The following ZNRF1 variants were observed in gnomAD, a reference collection of about 807,000 sequenced individuals.
ZNRF1 encodes zinc and ring finger 1.
Under a neutral mutation model 18.4 loss-of-function variants are expected in ZNRF1, and 3 were observed. The ratio of observed to expected loss-of-function variants is 0.16; its 90% confidence interval spans 0.07 to 0.42. ZNRF1 has a LOEUF of 0.42. ZNRF1 is among the 10% of genes least tolerant of loss of function. ZNRF1 has a pLI of 0.99. For missense variants in ZNRF1, 310 were observed against 329.8 expected (o/e 0.94, Z 0.47); for synonymous variants, 157 against 144.2 (o/e 1.09, Z -0.64).
At position 75,102,891 on chromosome 16, in the gene ZNRF1, C is replaced by T. The variant is rs532076061; in HGVS notation, c.521-1893C>T. Among the ~76,000 whole-genome samples, 18 of 152,302 alleles carry T rather than the reference C, an allele frequency of 1.2e-4. No homozygotes were observed. The South Asian group carries it at 3.3e-3, about 28-fold the overall frequency. ...CTCATCCGCACACGCAGGGCTGCTG[C>T]GCACTCCTTGTTGTCGGCCCCAGAC... On this transcript the variant is annotated intron_variant, in intron 2 of 4. Coordinates refer to ENST00000335325, the MANE Select transcript of ZNRF1 (RefSeq NM_032268.5).
At chr16:75,026,751 C>A (rs1034775572) in intron 1 of ZNRF1, among the ~76,000 whole-genome samples, 1 of 151,634 alleles carries the variant, frequency 6.6e-6, no homozygotes, top group Admixed American at 6.6e-5. Flanking sequence ...GCCTGGCCAA[C>A]GTGGTGAAAC....
chr16:75,094,922 C>A (rs1050567708), intron 2 of ZNRF1, among the ~76,000 whole-genome samples: 5 of 152,172 alleles, frequency 3.3e-5, no homozygotes, highest in Non-Finnish European at 7.3e-5. Flanking sequence ...TCTGGGATTT[C>A]TGAGAGCATC....
intron 1 of ZNRF1, among the ~76,000 whole-genome samples, chr16:75,076,989 T>C (rs1247694643): frequency 6.6e-6 from 1 of 152,102 alleles, no homozygotes; most frequent in African/African-American, 2.4e-5. Context: ...TAAATGTTTA[T>C]TGTTTAAGCC....
At chr16:75,034,888 G>T (rs2035356882) in intron 1 of ZNRF1, among the ~76,000 whole-genome samples, 1 of 151,074 alleles carries the variant, frequency 6.6e-6, no homozygotes, top group South Asian at 2.1e-4. Context: ...CAGCCTCCCA[G>T]AGTGCTTGGA....
chr16:75,029,683 C>G (rs935524706), intron 1 of ZNRF1, among the ~76,000 whole-genome samples: 1 of 151,746 alleles, frequency 6.6e-6, no homozygotes, highest in Non-Finnish European at 1.5e-5. Flanking sequence ...CTTGGAGAAT[C>G]GCTTGAACCT....
In ZNRF1 at chr16:75,033,141, A is replaced by G. The variant is rs374751754; in HGVS notation, c.424+33046A>G. ...TTCCTTTGATTACTGTGGTGTTATA[A>G]TAAGTCTTGAAATCAAATATTATTA... On this transcript the variant is annotated intron_variant, in intron 1 of 4. Transcript: ENST00000335325. Among the ~76,000 whole-genome samples the G allele has an allele frequency of 1.3e-4, 20 of 152,172 alleles. 2 individuals carry two copies. The highest frequency in any genetic ancestry group is 1.0e-3 in the South Asian group (5 of 4,816).
At chr16:75,105,130 G>C (rs1354815866) in intron 3 of ZNRF1, 1 of 443,622 alleles carries the variant, frequency 2.3e-6, no homozygotes, top group East Asian at 4.4e-5. Context: ...GGCTCAGGTG[G>C]TGGGAGCTGA....
chr16:75,002,000 A>G lies in ZNRF1; in HGVS notation c.424+1905A>G, dbSNP rs77642817. ...AAAGTGTGTATGGGAGGCTGCTATT[A>G]ATATTGTAGGTAATCCATTCCTTAC... is the stretch of plus-strand genomic sequence containing the variant. On this transcript the variant is annotated intron_variant, in intron 1 of 4. Coordinates refer to ENST00000335325, the MANE Select transcript of ZNRF1 (RefSeq NM_032268.5). Among the ~76,000 whole-genome samples, 47 of 152,250 alleles carry G rather than the reference A, an allele frequency of 3.1e-4. No homozygotes were observed. The East Asian group carries it at 9.1e-3, about 29-fold the overall frequency.
rs757652564 is a variant in ZNRF1, at chr16:75,010,711, GTTTTTTTGTT to G, written c.424+10624_424+10633del. Among the ~76,000 whole-genome samples the G allele has an allele frequency of 5.4e-4, 40 of 74,350 alleles. 2 individuals are homozygous for G. The East Asian group carries it at 7.1e-3, about 13-fold the overall frequency. The allele number at this position is 74,350 out of a possible 152,430, so 48.8% of individuals were successfully genotyped here. On this transcript the variant is annotated intron_variant, in intron 1 of 4. Transcript: ENST00000335325. ...CCTCTGTACTGTACTGTTTTTTTTTGTTTTTTTGTTTTTTTTTTTTTGAGGAGTCTCGCTC... is the reference window on the plus strand; with the variant it reads ...CCTCTGTACTGTACTGTTTTTTTTTGTTTTTTTTTTTGAGGAGTCTCGCTC...
At chr16:75,093,883 G>C (rs973477737) in intron 2 of ZNRF1, among the ~76,000 whole-genome samples, 2 of 152,232 alleles carry the variant, frequency 1.3e-5, no homozygotes, top group Non-Finnish European at 2.9e-5. Flanking sequence ...GAAGGCCCAG[G>C]GGTCAGGTCC....
intron 1 of ZNRF1, among the ~76,000 whole-genome samples, chr16:75,092,493 A>G (rs1157098268): frequency 6.6e-6 from 1 of 152,256 alleles, no homozygotes; most frequent in East Asian, 1.9e-4. Flanking sequence ...GTGGCAACAG[A>G]TCTTTTTGAT....
Position 75,107,954 on chromosome 16 carries a change from T to A in ZNRF1, c.*254T>A, listed in dbSNP as rs1023739078. ...CCTCAGCCCAGGAGGGAAAGGGCATTTTCTTTTTCATCTTTGAAAGGCATT... is the reference window on the plus strand; with the variant it reads ...CCTCAGCCCAGGAGGGAAAGGGCATATTCTTTTTCATCTTTGAAAGGCATT... On this transcript the variant is annotated 3_prime_UTR_variant, in exon 5 of 5. Transcript: ENST00000335325. The A allele has an allele frequency of 3.4e-5, 12 of 355,360 alleles. No individual in the cohort carries two copies. The highest frequency in any genetic ancestry group is 6.8e-5 in the Non-Finnish European group (12 of 176,980). The allele number at this position is 355,360 out of a possible 1,614,324, so 22.0% of individuals were successfully genotyped here.
chr16:75,057,716 A>G (rs139460112), intron 1 of ZNRF1, among the ~76,000 whole-genome samples: 124 of 152,302 alleles, frequency 8.1e-4, no homozygotes, highest in African/African-American at 2.4e-3. Context: ...GCTTACTGCA[A>G]CTTCCGTCTC....
chr16:75,099,573 G>A (rs1019190654), intron 2 of ZNRF1, among the ~76,000 whole-genome samples: 11 of 152,336 alleles, frequency 7.2e-5, no homozygotes, highest in African/African-American at 2.2e-4. Flanking sequence ...GTACAGTGGC[G>A]TCAGGAAACT....
chr16:75,072,106 AT>A (rs566078431), intron 1 of ZNRF1, among the ~76,000 whole-genome samples: 40 of 146,712 alleles, frequency 2.7e-4, no homozygotes, highest in East Asian at 4.0e-4. Context: ...CGCCCAGTTA[AT>A]TTTTTTTTTT....
intron 1 of ZNRF1, among the ~76,000 whole-genome samples, chr16:75,056,563 C>A (rs897740007): frequency 6.6e-6 from 1 of 151,950 alleles, no homozygotes; most frequent in Non-Finnish European, 1.5e-5. Context: ...CTGAAGTTCA[C>A]AAGTATCATG....
chr16:75,012,422 C>T (rs1201526274), intron 1 of ZNRF1, among the ~76,000 whole-genome samples: 2 of 152,134 alleles, frequency 1.3e-5, no homozygotes, highest in Admixed American at 6.5e-5. Flanking sequence ...AATTTCCTTA[C>T]TGTCTGTGCC....
At chr16:75,017,191 C>T (rs1002681881) in intron 1 of ZNRF1, among the ~76,000 whole-genome samples, 2 of 152,124 alleles carry the variant, frequency 1.3e-5, no homozygotes, top group Non-Finnish European at 1.5e-5. Context: ...ATTTTTGGCA[C>T]TTTGTGCTTC....
intron 1 of ZNRF1, among the ~76,000 whole-genome samples, chr16:75,010,114 C>A (rs1243672893): frequency 6.6e-6 from 1 of 152,066 alleles, no homozygotes; most frequent in Non-Finnish European, 1.5e-5. Context: ...TCCAGAGTAG[C>A]TGGGATTATA....
Sources: allele counts gnomAD v4.1 joint callset (sites outside exome capture counted in the v4.1 genomes callset), GRCh38; gene constraint gnomAD v4.1.1; transcripts MANE v1.5; gene names NCBI Gene and HGNC (gene_info 2026-07-23, HGNC 2026-07-21).